MACF1: variants seen among roughly 807,000 people sequenced by gnomAD.
MACF1 encodes microtubule actin crosslinking factor 1, also known as microtubule-actin cross-linking factor 1.
In MACF1, 193 loss-of-function variants were observed where a neutral mutation model predicts 854.8. That is an observed-to-expected ratio of 0.23 (90% confidence interval 0.20 to 0.25). MACF1 has a LOEUF of 0.25. Among genes scored for constraint, MACF1 ranks in the 10% least tolerant of loss-of-function variants. MACF1 has a pLI of 1.00. For missense variants in MACF1, 7,722 were observed against 8,929.1 expected, an observed-to-expected ratio of 0.86 and a Z score of 5.45; for synonymous variants, 3,185 against 3,226.7, an observed-to-expected ratio of 0.99 and a Z score of 0.44.
At chr1:39,345,801 C>T (rs1350191041) in intron 40 of MACF1, among the ~76,000 whole-genome samples, 1 of 152,154 alleles carries the variant, frequency 6.6e-6, no homozygotes, top group East Asian at 1.9e-4. Flanking sequence ...GGGCGTGTGG[C>T]TCACGCCTGT....
At chr1:39,191,085 C>T (rs1195462419) in intron 2 of MACF1, among the ~76,000 whole-genome samples, 3 of 151,954 alleles carry the variant, frequency 2.0e-5, no homozygotes, top group Admixed American at 1.3e-4. Context: ...GCATCAGAGA[C>T]CCAAGGATTA....
intron 2 of MACF1, among the ~76,000 whole-genome samples, chr1:39,233,808 T>TTTTTTTTTTTTTTTTTTC (rs755591226): frequency 1.5e-5 from 1 of 65,772 alleles, no homozygotes; most frequent in South Asian, 8.9e-4. Context: ...ATTTATTTTT[T>TTTTTTTTTTTTTTTTTTC]ATTGATAATT....
chr1:39,383,934 A>T (rs1032555850), intron 56 of MACF1, among the ~76,000 whole-genome samples: 9 of 152,138 alleles, frequency 5.9e-5, no homozygotes, highest in Non-Finnish European at 7.4e-5. Context: ...CTGGCTTAAT[A>T]GGCTATTCTG....
intron 6 of MACF1, among the ~76,000 whole-genome samples, chr1:39,272,864 A>C (rs1372754215): frequency 6.6e-6 from 1 of 152,246 alleles, no homozygotes; most frequent in Non-Finnish European, 1.5e-5. Context: ...CAGAATGACA[A>C]GTAGACTAGG....
chr1:39,407,161 C>G (rs1159703922), intron 58 of MACF1, among the ~76,000 whole-genome samples: 1 of 152,210 alleles, frequency 6.6e-6, no homozygotes, highest in Non-Finnish European at 1.5e-5. Context: ...TCAGGAAAGT[C>G]ACCAGTTTAG....
At chr1:39,390,271 C>A (rs1006399520) in intron 58 of MACF1, among the ~76,000 whole-genome samples, 4 of 152,220 alleles carry the variant, frequency 2.6e-5, no homozygotes, top group Admixed American at 2.6e-4. Context: ...ATCTCAGAGA[C>A]CCTGCTTGCC....
Position 39,334,816 on chromosome 1 carries a change from T to C in MACF1, c.8228T>C (p.Val2743Ala). 2 of 1,614,134 alleles carry C rather than the reference T, an allele frequency of 1.2e-6. No homozygotes were observed. The highest frequency in any genetic ancestry group is 1.7e-6 in the Non-Finnish European group (2 of 1,180,012). The part of the protein sequence containing the change: ...DIFSDQRVTL[V>A]EAIEKRLISP... Reference sequence around the variant, plus strand: ...TTTAGTGATCAGAGAGTGACTTTAGTAGAAGCTATTGAGAAAAGACTGATC... The same window carrying C: ...TTTAGTGATCAGAGAGTGACTTTAGCAGAAGCTATTGAGAAAAGACTGATC... Residue 2743 changes from valine to alanine, a missense_variant, in exon 37 of 101, where the codon GTA becomes GCA. This residue lies in a region of MACF1 where 1,531 missense variants were observed against 1,601.6 expected (regional missense o/e 0.96). Transcript: ENST00000564288.
At chr1:39,276,334 G>C (rs905738208) in intron 6 of MACF1, among the ~76,000 whole-genome samples, 6 of 151,994 alleles carry the variant, frequency 3.9e-5, no homozygotes, top group East Asian at 1.9e-4. Context: ...AGAACAACTC[G>C]TCTCATCCAC....
intron 1 of MACF1, among the ~76,000 whole-genome samples, chr1:39,229,609 T>G (rs1347904028): frequency 6.6e-6 from 1 of 152,158 alleles, no homozygotes; most frequent in Non-Finnish European, 1.5e-5. Flanking sequence ...TATGGTAATT[T>G]AGGTTTGCAG....
chr1:39,357,350 G>C, intron 44 of MACF1, 25 bp from the exon 45 acceptor site: 7 of 1,600,080 alleles, frequency 4.4e-6, no homozygotes, highest in Non-Finnish European at 6.0e-6. Context: ...ATTGTCCTTT[G>C]TTTGGGGGGA....
intron 19 of MACF1, among the ~76,000 whole-genome samples, chr1:39,295,423 A>C (rs943300951): frequency 6.6e-6 from 1 of 152,214 alleles, no homozygotes; most frequent in African/African-American, 2.4e-5. Flanking sequence ...TATTTCTTCA[A>C]ATAACTATCC....
chr1:39,098,282 C>T (rs539949497), intron 2 of MACF1, among the ~76,000 whole-genome samples: 2 of 152,316 alleles, frequency 1.3e-5, no homozygotes, highest in South Asian at 4.1e-4. Context: ...TGACCTAATC[C>T]TCAAAACAAC....
intron 58 of MACF1, chr1:39,410,255 AT>A: frequency 6.4e-7 from 1 of 1,552,410 alleles, no homozygotes; most frequent in South Asian, 1.2e-5. Context: ...GTTCATCTTG[AT>A]TGAAAAAGGA....
intron 58 of MACF1, chr1:39,414,100 G>A (rs1423804042): frequency 1.2e-6 from 2 of 1,606,974 alleles, no homozygotes; most frequent in Non-Finnish European, 1.7e-6. Flanking sequence ...CACCCCCGAG[G>A]AGCCTGCCTC....
intron 2 of MACF1, among the ~76,000 whole-genome samples, chr1:39,116,712 T>C (rs1642556753): frequency 6.6e-6 from 1 of 152,204 alleles, no homozygotes; most frequent in Non-Finnish European, 1.5e-5. Context: ...AGCTAAATAC[T>C]ATGCAGAAAT....
chr1:39,141,182 A>G (rs1234290766), intron 2 of MACF1, among the ~76,000 whole-genome samples: 2 of 152,116 alleles, frequency 1.3e-5, no homozygotes, highest in Non-Finnish European at 2.9e-5. Flanking sequence ...TTCCTCCTGA[A>G]TGCCTGTCTG....
At chr1:39,343,309 A>G (rs762085068) in intron 40 of MACF1, among the ~76,000 whole-genome samples, 23 of 152,140 alleles carry the variant, frequency 1.5e-4, no homozygotes, top group Non-Finnish European at 3.1e-4. Context: ...CTCTTCCCCA[A>G]TCTTAAGAGA....
intron 35 of MACF1, 43 bp from the exon 36 acceptor site, chr1:39,327,175 G>GC (rs1553257842): frequency 7.5e-6 from 11 of 1,475,418 alleles, no homozygotes; most frequent in East Asian, 2.4e-5. Flanking sequence ...TTTGGAGATT[G>GC]TTTTTTTTTC....
chr1:39,169,985 G>A (rs1643926234), intron 2 of MACF1, among the ~76,000 whole-genome samples: 1 of 148,812 alleles, frequency 6.7e-6, no homozygotes, highest in African/African-American at 2.5e-5. Context: ...GTTTCACCTT[G>A]TTAGCCAGGA....
Sources: gnomAD v4.1 joint callset for allele counts (sites outside exome capture counted in the v4.1 genomes callset) on GRCh38, gnomAD v4.1.1 for gene constraint, gnomAD v4.1.1 regional missense constraint, MANE v1.5 for transcripts, NCBI Gene and HGNC (gene_info 2026-07-23, HGNC 2026-07-21) for gene names.